Variants in MAPKAP1 observed in about 807,000 individuals in gnomAD.
MAPKAP1 encodes the protein target of rapamycin complex 2 subunit MAPKAP1.
Under a neutral mutation model 65.7 loss-of-function variants are expected in MAPKAP1, and 20 were observed. The ratio of observed to expected loss-of-function variants is 0.30; its 90% CI spans 0.21 to 0.44. The LOEUF is 0.44. Ranked by LOEUF, MAPKAP1 falls within the 20% of genes least tolerant of loss-of-function variation. The pLI is 1.00. For synonymous variants in MAPKAP1, 222 were observed against 244.3 expected (o/e 0.91, Z 0.85); for missense variants, 423 against 648.0 (o/e 0.65, Z 3.77).
intron 10 of MAPKAP1, among the ~76,000 whole-genome samples, chr9:125,466,041 G>A (rs1167819026): frequency 2.6e-5 from 4 of 152,318 alleles, no homozygotes; most frequent in African/African-American, 9.6e-5. Flanking sequence ...GCCAATGTCT[G>A]CAAAGGCTAT....
At chr9:125,517,108 A>T (rs979776445) in intron 7 of MAPKAP1, among the ~76,000 whole-genome samples, 1 of 152,122 alleles carries the variant, frequency 6.6e-6, no homozygotes, top group African/African-American at 2.4e-5. Flanking sequence ...CCAGGACGAG[A>T]ATGCAAGTTT....
intron 9 of MAPKAP1, among the ~76,000 whole-genome samples, chr9:125,476,165 G>A (rs957921288): frequency 6.6e-6 from 1 of 152,190 alleles, no homozygotes; most frequent in Non-Finnish European, 1.5e-5. Flanking sequence ...TACCAGTTAG[G>A]TGATTTTTCC....
intron 5 of MAPKAP1, among the ~76,000 whole-genome samples, chr9:125,583,671 A>G (rs1831690061): frequency 6.6e-6 from 1 of 152,200 alleles, no homozygotes; most frequent in African/African-American, 2.4e-5. Context: ...CATCTATAAG[A>G]TGTACATCAC....
chr9:125,559,463 G>A (rs945402661), intron 6 of MAPKAP1, 170 bp downstream of exon 6: 2 of 596,686 alleles, frequency 3.4e-6, no homozygotes, highest in Admixed American at 3.1e-5. Flanking sequence ...GCAGAGGCAT[G>A]AAATACAATG....
intron 5 of MAPKAP1, among the ~76,000 whole-genome samples, chr9:125,563,767 A>G (rs572697646): frequency 6.6e-6 from 1 of 152,208 alleles, no homozygotes; most frequent in Non-Finnish European, 1.5e-5. Flanking sequence ...CCCAGGCTAG[A>G]GTGCAATGGC....
chr9:125,485,487 G>C (rs371687659), intron 8 of MAPKAP1, among the ~76,000 whole-genome samples: 17 of 152,202 alleles, frequency 1.1e-4, no homozygotes, highest in African/African-American at 3.9e-4. Context: ...AGGCAATCGG[G>C]GCAGCCCATA....
chr9:125,683,081 T>C (rs2131827465), intron 1 of MAPKAP1, among the ~76,000 whole-genome samples: 1 of 151,114 alleles, frequency 6.6e-6, no homozygotes, highest in South Asian at 2.1e-4. Flanking sequence ...TCAGCCTCCC[T>C]AGTAGCTGAG....
At position 125,657,769 on chromosome 9, in the gene MAPKAP1, T is replaced by C; in HGVS notation, c.380A>G (p.Lys127Arg). Residue 127 changes from lysine to arginine, a missense_variant, in exon 4 of 12, where the codon AAA becomes AGA. Physicochemically the swap from Lys to Arg is conservative, Grantham distance 26. This residue lies in a region of MAPKAP1 where 67 missense variants were observed against 69.6 expected (regional missense o/e 0.96). Coordinates refer to ENST00000265960, the MANE Select transcript of MAPKAP1 (RefSeq NM_001006617.3). ...AATTGGAGGCTTCTCTTTGAGAGATTTTTTTTCAAACAGTGACTTTAACTC... is the reference window on the plus strand; with the variant it reads ...AATTGGAGGCTTCTCTTTGAGAGATCTTTTTTCAAACAGTGACTTTAACTC... ...AQELKSLFEK[K>R]SLKEKPPISG... 1.2e-6 allele frequency: 2 copies of C among 1,613,972 alleles called. No individual in the cohort carries two copies. The highest frequency in any genetic ancestry group is 1.7e-6 in the Non-Finnish European group (2 of 1,179,890).
chr9:125,598,153 G>T (rs898925238), intron 4 of MAPKAP1, among the ~76,000 whole-genome samples: 1 of 151,372 alleles, frequency 6.6e-6, no homozygotes, highest in Non-Finnish European at 1.5e-5. Flanking sequence ...CTCACAAAAA[G>T]AACTTTTTTT....
intron 4 of MAPKAP1, among the ~76,000 whole-genome samples, chr9:125,593,587 G>A (rs538498831): frequency 1.5e-3 from 229 of 151,694 alleles, no homozygotes; most frequent in African/African-American, 5.4e-3. Flanking sequence ...GCTTGAACCC[G>A]GGAGGCAGAG....
chr9:125,686,513 C>T (rs980456270), intron 1 of MAPKAP1, among the ~76,000 whole-genome samples: 2 of 152,110 alleles, frequency 1.3e-5, no homozygotes, highest in African/African-American at 4.8e-5. Flanking sequence ...TATGAAGGGA[C>T]TTTCAGCTCT....
intron 9 of MAPKAP1, among the ~76,000 whole-genome samples, chr9:125,472,495 G>A (rs947051937): frequency 2.3e-4 from 35 of 152,192 alleles, no homozygotes; most frequent in African/African-American, 7.7e-4. Flanking sequence ...TCTGACCACC[G>A]AGCATAGTTT....
chr9:125,506,270 C>T (rs1261610564), intron 8 of MAPKAP1, 40 bp downstream of exon 8: 1 of 1,541,450 alleles, frequency 6.5e-7, no homozygotes. Flanking sequence ...AGCAAGTTTG[C>T]AACGGACAAA....
intron 1 of MAPKAP1, among the ~76,000 whole-genome samples, chr9:125,683,933 T>C (rs1834897593): frequency 6.6e-6 from 1 of 152,184 alleles, no homozygotes; most frequent in Non-Finnish European, 1.5e-5. Flanking sequence ...TGCTGGCCTT[T>C]GGTAATGATA....
At chr9:125,496,220 C>A (rs1854940513) in intron 8 of MAPKAP1, among the ~76,000 whole-genome samples, 1 of 152,200 alleles carries the variant, frequency 6.6e-6, no homozygotes, top group Non-Finnish European at 1.5e-5. Flanking sequence ...CAAGGACTCA[C>A]AGGTATGTGG....
intron 3 of MAPKAP1, among the ~76,000 whole-genome samples, chr9:125,660,336 T>C (rs1434432776): frequency 3.9e-5 from 6 of 152,214 alleles, no homozygotes; most frequent in South Asian, 2.1e-4. Flanking sequence ...TCTATACTTG[T>C]CTGGGATGCT....
intron 1 of MAPKAP1, among the ~76,000 whole-genome samples, chr9:125,703,171 C>A (rs555983823): frequency 6.6e-6 from 1 of 152,270 alleles, no homozygotes; most frequent in South Asian, 2.1e-4. Flanking sequence ...TTAGTTTGGG[C>A]CCGTGCTCTC....
chr9:125,493,615 C>T, intron 8 of MAPKAP1, among the ~76,000 whole-genome samples: 1 of 152,212 alleles, frequency 6.6e-6, no homozygotes, highest in East Asian at 1.9e-4. Context: ...GCTAACAGCA[C>T]CTAACATACC....
At position 125,438,619 on chromosome 9, in the gene MAPKAP1, C is replaced by T. The variant is rs990491684; in HGVS notation, c.*268G>A. 18 of 463,900 alleles carry T rather than the reference C, an allele frequency of 3.9e-5. No individual in the cohort carries two copies. Among genetic ancestry groups the T allele is most frequent in the East Asian group, 3.3e-5 (1 of 30,356 alleles). The allele number at this position is 463,900 out of a possible 1,614,324, so 28.7% of individuals were successfully genotyped here. ...GTGGCAGGCATTGAAGGTGGCTGGGCGGCACGTGGCTCCTCTAGGGGGTGG... is the reference window on the plus strand; with the variant it reads ...GTGGCAGGCATTGAAGGTGGCTGGGTGGCACGTGGCTCCTCTAGGGGGTGG... On this transcript the variant is annotated 3_prime_UTR_variant, in exon 12 of 12. Coordinates refer to ENST00000265960, the MANE Select transcript of MAPKAP1 (RefSeq NM_001006617.3).
Sources: gnomAD v4.1 joint callset for allele counts (sites outside exome capture counted in the v4.1 genomes callset) on GRCh38, gnomAD v4.1.1 for gene constraint, gnomAD v4.1.1 regional missense constraint, MANE v1.5 for transcripts, NCBI Gene and HGNC (gene_info 2026-07-23, HGNC 2026-07-21) for gene names.